Variants in ITGBL1 observed in about 807,000 individuals in gnomAD.
ITGBL1 encodes integrin beta-like protein 1.
Under a neutral mutation model 68.5 loss-of-function variants are expected in ITGBL1, and 51 were observed. That is an observed-to-expected ratio of 0.74 (90% CI 0.59 to 0.94). The LOEUF (loss-of-function observed/expected upper bound fraction) is 0.94. Ranked by LOEUF, ITGBL1 falls within the 40% of genes least tolerant of loss-of-function variation. The pLI, the probability that ITGBL1 is intolerant of heterozygous loss-of-function variation, is 0.00. For missense variants in ITGBL1, 649 were observed against 647.4 expected, an observed-to-expected ratio of 1.00 and a Z score of -0.03; for synonymous variants, 209 against 227.3, an observed-to-expected ratio of 0.92 and a Z score of 0.72.
At chr13:101,703,962 G>C (rs9300691) in intron 8 of ITGBL1, among the ~76,000 whole-genome samples, 116,770 of 152,054 alleles carry the variant, frequency 0.77, 44,912 homozygotes, top group Admixed American at 0.8. Context: ...TGGAACCTGG[G>C]CTTTGATCAT....
chr13:101,655,736 C>T (rs534431325), intron 7 of ITGBL1, among the ~76,000 whole-genome samples: 1 of 152,314 alleles, frequency 6.6e-6, no homozygotes, highest in Admixed American at 6.5e-5. Context: ...TGTTGTAGTA[C>T]CTGAGCTGAT....
At chr13:101,619,895 A>G (rs1293278391) in intron 7 of ITGBL1, among the ~76,000 whole-genome samples, 1 of 152,168 alleles carries the variant, frequency 6.6e-6, no homozygotes, top group African/African-American at 2.4e-5. Flanking sequence ...CTTTGTCTTA[A>G]AATGAAACCA....
At chr13:101,488,016 G>A (rs77606878) in intron 2 of ITGBL1, among the ~76,000 whole-genome samples, 6 of 152,124 alleles carry the variant, frequency 3.9e-5, no homozygotes, top group South Asian at 2.1e-4. Context: ...GCTGGGCTTC[G>A]GAGGAGGAGA....
intron 2 of ITGBL1, among the ~76,000 whole-genome samples, chr13:101,467,246 C>T (rs1032103486): frequency 2.6e-5 from 4 of 152,146 alleles, no homozygotes; most frequent in Admixed American, 6.5e-5. Flanking sequence ...CTGACCTTGG[C>T]AAAGGGAAAC....
At chr13:101,487,326 C>A (rs750762226) in intron 2 of ITGBL1, among the ~76,000 whole-genome samples, 1 of 151,994 alleles carries the variant, frequency 6.6e-6, no homozygotes, top group South Asian at 2.1e-4. Context: ...ATCCTGTGAC[C>A]TAAAATAATA....
intron 2 of ITGBL1, among the ~76,000 whole-genome samples, chr13:101,553,837 C>T (rs976017186): frequency 4.6e-5 from 7 of 152,124 alleles, no homozygotes; most frequent in African/African-American, 1.2e-4. Flanking sequence ...TCCAATGGCA[C>T]GATCTCGGCT....
chr13:101,567,547 A>T (rs529770086), intron 2 of ITGBL1, 152 bp from the exon 3 acceptor site: 86 of 539,712 alleles, frequency 1.6e-4, no homozygotes, highest in Non-Finnish European at 2.4e-4. Flanking sequence ...CATTTTATAT[A>T]ATAGCATTAC....
chr13:101,700,338 C>A (rs1225623040), intron 8 of ITGBL1, among the ~76,000 whole-genome samples: 1 of 152,186 alleles, frequency 6.6e-6, no homozygotes. Context: ...CTTGCCACAT[C>A]CAGTCCAACA....
At chr13:101,595,665 G>A (rs139677769) in intron 6 of ITGBL1, among the ~76,000 whole-genome samples, 1 of 152,286 alleles carries the variant, frequency 6.6e-6, no homozygotes, top group East Asian at 1.9e-4. Context: ...CCTCACAACT[G>A]TTAGGATGGC....
chr13:101,606,083 CTATA>C (rs4000926), intron 7 of ITGBL1, among the ~76,000 whole-genome samples: 3 of 137,618 alleles, frequency 2.2e-5, no homozygotes, highest in Non-Finnish European at 3.1e-5. Flanking sequence ...TATATATATG[CTATA>C]TATATATATA....
chr13:101,576,729 T>C (rs1335277743), intron 4 of ITGBL1, among the ~76,000 whole-genome samples: 1 of 152,166 alleles, frequency 6.6e-6, no homozygotes, highest in Non-Finnish European at 1.5e-5. Context: ...TAGGCCTGAT[T>C]GGCCCTCCCT....
chr13:101,578,257 T>C (rs1486106662), intron 4 of ITGBL1, among the ~76,000 whole-genome samples: 1 of 152,168 alleles, frequency 6.6e-6, no homozygotes, highest in African/African-American at 2.4e-5. Flanking sequence ...TATAAGACAA[T>C]GAAAAGTAGT....
intron 2 of ITGBL1, among the ~76,000 whole-genome samples, chr13:101,488,545 G>A (rs1321976620): frequency 6.6e-6 from 1 of 152,200 alleles, no homozygotes; most frequent in African/African-American, 2.4e-5. Context: ...TTTAACTTGA[G>A]AGAGCTGTTA....
chr13:101,567,960 GT>G, intron 3 of ITGBL1, 115 bp downstream of exon 3: 2 of 787,000 alleles, frequency 2.5e-6, no homozygotes, highest in Non-Finnish European at 2.0e-6. Context: ...TTTTGAGTAT[GT>G]TTTTTAGAAG....
At chr13:101,569,455 ACT>A (rs1218198776) in intron 3 of ITGBL1, among the ~76,000 whole-genome samples, 2 of 152,008 alleles carry the variant, frequency 1.3e-5, no homozygotes, top group East Asian at 1.9e-4. Context: ...GGACATCTGT[ACT>A]CTCTCATTTT....
downstream of ITGBL1, chr13:101,720,528 C>CTGTGTG (rs1491358179): frequency 4.7e-4 from 44 of 92,766 alleles, no homozygotes; most frequent in African/African-American, 2.0e-3. Flanking sequence ...GGGGTGTTTG[C>CTGTGTG]TCTGTGTGTG....
intron 2 of ITGBL1, among the ~76,000 whole-genome samples, chr13:101,523,410 A>G (rs978485840): frequency 1.6e-4 from 24 of 152,250 alleles, no homozygotes; most frequent in Admixed American, 2.0e-4. Context: ...ACCACCCACT[A>G]TATTGTAAGC....
chr13:101,716,699 CCTTA>C (rs757267873), downstream of ITGBL1: 101 of 150,722 alleles, frequency 6.7e-4, no homozygotes, highest in Non-Finnish European at 1.3e-3. Flanking sequence ...TCTAAGGATA[CCTTA>C]CTTACTGGAA....
chr13:101,720,528 C>CTG (rs1491358179), downstream of ITGBL1: 329 of 92,738 alleles, frequency 3.5e-3, no homozygotes, highest in African/African-American at 0.015. Flanking sequence ...GGGGTGTTTG[C>CTG]TCTGTGTGTG....
Sources: allele counts gnomAD v4.1 joint callset (sites outside exome capture counted in the v4.1 genomes callset), GRCh38; gene constraint gnomAD v4.1.1; transcripts MANE v1.5; gene names NCBI Gene and HGNC (gene_info 2026-07-23, HGNC 2026-07-21).